ATP6V0D1: variants seen among roughly 807,000 people sequenced by gnomAD.
The protein encoded by ATP6V0D1 is ATPase H+ transporting V0 subunit d1.
A neutral mutation model predicts 39.0 loss-of-function variants in ATP6V0D1; 13 were observed. The observed-to-expected ratio is 0.33, with a 90% CI of 0.22 to 0.53. The LOEUF is 0.53. ATP6V0D1 is among the 20% of genes least tolerant of loss of function. ATP6V0D1 has a pLI of 0.94. For synonymous variants in ATP6V0D1, 191 were observed against 191.2 expected (o/e 1.00, Z 0.01); for missense variants, 272 against 470.9 (o/e 0.58, Z 3.91).
chr16:67,477,002 C>T lies in ATP6V0D1; in HGVS notation c.130+3955G>A, dbSNP rs2041419776. On this transcript the variant is annotated intron_variant, in intron 1 of 7. Transcript: ENST00000290949. ...GAGCCGAGATGTCCAGCCTGGGTGA[C>T]AGAGTGAGACTCTGTCTCAAATTAA... is the stretch of plus-strand genomic sequence containing the variant. Among the ~76,000 whole-genome samples the T allele has an allele frequency of 2.5e-5, 3 of 119,738 alleles. No homozygotes were observed. The South Asian group carries it at 7.9e-4, about 31-fold the overall frequency. 78.6% of individuals were successfully genotyped at this position (119,738 alleles called of 152,430 possible). A position where few individuals can be genotyped will look rare whatever the true frequency, so the allele number is the denominator to read the frequency against.
chr16:67,446,419 C>G (rs760216379), intron 2 of ATP6V0D1, among the ~76,000 whole-genome samples: 1 of 152,208 alleles, frequency 6.6e-6, no homozygotes, highest in Non-Finnish European at 1.5e-5. Context: ...AGGATGTGCA[C>G]TGAGAAGAGA....
chr16:67,441,475 G>C (rs1299024593), intron 4 of ATP6V0D1: 1 of 152,292 alleles, frequency 6.6e-6, no homozygotes, highest in Non-Finnish European at 1.5e-5. Context: ...GAGGGCATGG[G>C]TGAGGCTGGC....
At chr16:67,469,524 G>C (rs2142330260) in intron 1 of ATP6V0D1, among the ~76,000 whole-genome samples, 1 of 152,238 alleles carries the variant, frequency 6.6e-6, no homozygotes, top group South Asian at 2.1e-4. Flanking sequence ...GTCCAGCTCT[G>C]GCCTGGGCCC....
chr16:67,466,330 C>T (rs1306298506), intron 1 of ATP6V0D1, among the ~76,000 whole-genome samples: 18 of 27,838 alleles, frequency 6.5e-4, no homozygotes, highest in Non-Finnish European at 1.1e-3. Context: ...AACACATACA[C>T]ACACACACAC....
At chr16:67,471,917 C>T (rs529077144) in intron 1 of ATP6V0D1, among the ~76,000 whole-genome samples, 1 of 152,168 alleles carries the variant, frequency 6.6e-6, no homozygotes, top group South Asian at 2.1e-4. Flanking sequence ...GCTGAGATTA[C>T]AGGCGTTAGC....
rs1355443673 is a variant in ATP6V0D1, at chr16:67,453,597, G to A, written c.249C>T (p.Arg83=). Residue 83 remains arginine, a synonymous_variant, in exon 2 of 8, where the codon CGC becomes CGT. Transcript: ENST00000290949. This position sits in a 1 kb window ranked among gnomAD's most constrained non-coding sequence, Gnocchi z 4.1. The part of the protein sequence containing the change: ...RLKEKMVVEF[R]HMRNHAYEPL... ...GCTCATAGGCATGGTTCCTCATGTG[G>A]CGGAACTCCACCACCATCTTCTCCT... is the stretch of plus-strand genomic sequence containing the variant. 6.2e-7 allele frequency: 1 copy of A among 1,614,104 alleles called. No homozygotes were observed. The highest frequency in any genetic ancestry group is 1.3e-5 in the African/African-American group (1 of 74,930).
rs140037619 is a variant in ATP6V0D1 at position 67,441,228 on chromosome 16, C to T, written c.561+1871G>A. 5.2e-5 allele frequency: 8 copies of T among 152,468 alleles called. No individual in the cohort carries two copies. In the East Asian group the frequency reaches 1.5e-3, roughly 29 times the overall value. The allele number at this position is 152,468 out of a possible 1,614,324, so 9.4% of individuals were successfully genotyped here. A position where few individuals can be genotyped will look rare whatever the true frequency, so the allele number is the denominator to read the frequency against. On this transcript the variant is annotated intron_variant, in intron 4 of 7. Transcript: ENST00000290949. Reference sequence around the variant, plus strand: ...CCCCGGTACCAAAGTCACCTTCCCACCCCCGCCCTGTCCCCTGGAGTCTGC... The same window carrying T: ...CCCCGGTACCAAAGTCACCTTCCCATCCCCGCCCTGTCCCCTGGAGTCTGC...
At chr16:67,469,972 C>T (rs1408498182) in intron 1 of ATP6V0D1, among the ~76,000 whole-genome samples, 1 of 152,182 alleles carries the variant, frequency 6.6e-6, no homozygotes, top group African/African-American at 2.4e-5. Flanking sequence ...TTACATGTAA[C>T]GCTTTGCAAC....
At chr16:67,475,715 C>G (rs2041409019) in intron 1 of ATP6V0D1, among the ~76,000 whole-genome samples, 1 of 152,186 alleles carries the variant, frequency 6.6e-6, no homozygotes, top group Non-Finnish European at 1.5e-5. Flanking sequence ...ATCCAGCAAG[C>G]TGTTTGCTTC....
intron 1 of ATP6V0D1, among the ~76,000 whole-genome samples, chr16:67,475,788 TG>T (rs1197880557): frequency 6.6e-6 from 1 of 152,210 alleles, no homozygotes; most frequent in Non-Finnish European, 1.5e-5. Context: ...AAACCAAGAC[TG>T]ATGTCCAATA....
At chr16:67,449,173 T>C (rs868308862) in intron 2 of ATP6V0D1, among the ~76,000 whole-genome samples, 1 of 152,190 alleles carries the variant, frequency 6.6e-6, no homozygotes, top group Non-Finnish European at 1.5e-5. Flanking sequence ...AAGAGAAATA[T>C]GGGCCCTCAG....
rs184853863 is a variant in ATP6V0D1 at position 67,469,222 on chromosome 16, C to A, written c.130+11735G>T. On this transcript the variant is annotated intron_variant, in intron 1 of 7. Coordinates refer to ENST00000290949, the MANE Select transcript of ATP6V0D1 (RefSeq NM_004691.5). ...ACTCAGAAAGCTGAGGCAGGAGGAT[C>A]GTTTCAACCTGGGAGGCGGAGGTTG... Among the ~76,000 whole-genome samples the A allele has an allele frequency of 2.6e-5, 4 of 152,288 alleles. No individual in the cohort carries two copies. In the South Asian group the frequency reaches 6.2e-4, roughly 24 times the overall value.
intron 1 of ATP6V0D1, among the ~76,000 whole-genome samples, chr16:67,471,514 T>C (rs1301260059): frequency 1.3e-5 from 2 of 152,042 alleles, no homozygotes; most frequent in African/African-American, 4.8e-5. Context: ...GTTGAGAACA[T>C]TCAAAATCCT....
chr16:67,449,575 C>T (rs917281616), intron 2 of ATP6V0D1, among the ~76,000 whole-genome samples: 9 of 152,246 alleles, frequency 5.9e-5, no homozygotes, highest in Admixed American at 1.3e-4. Flanking sequence ...CTCAGGCTGT[C>T]GGCCCCATGC....
chr16:67,468,466 T>C (rs886986689), intron 1 of ATP6V0D1, among the ~76,000 whole-genome samples: 12 of 151,850 alleles, frequency 7.9e-5, no homozygotes, highest in Non-Finnish European at 1.8e-4. Flanking sequence ...TGCATGCCTG[T>C]AGCCCTACAT....
At chr16:67,470,000 A>G (rs1449200125) in intron 1 of ATP6V0D1, among the ~76,000 whole-genome samples, 2 of 152,146 alleles carry the variant, frequency 1.3e-5, no homozygotes, top group Non-Finnish European at 2.9e-5. Flanking sequence ...CTAACAACAT[A>G]TTTCTAAATC....
chr16:67,480,214 A>AG (rs2041456570), intron 1 of ATP6V0D1, among the ~76,000 whole-genome samples: 1 of 107,616 alleles, frequency 9.3e-6, no homozygotes, highest in East Asian at 2.0e-4. Context: ...AAAAAAAAAA[A>AG]AAAAAAAGAA....
chr16:67,450,580 A>G (rs2041167906), intron 2 of ATP6V0D1, among the ~76,000 whole-genome samples: 1 of 151,930 alleles, frequency 6.6e-6, no homozygotes, highest in African/African-American at 2.4e-5. Flanking sequence ...ACGCCTGGAG[A>G]CCTTGGCTAC....
rs752703060 is a variant in ATP6V0D1 at position 67,438,477 on chromosome 16, A to G, written c.*51T>C. ...CACACACACGCACACACACGCGCAC[A>G]CACACACACACACACACAAAGAGTG... On this transcript the variant is annotated 3_prime_UTR_variant, in exon 8 of 8. Transcript: ENST00000290949. 1.0e-4 allele frequency: 148 copies of G among 1,478,598 alleles called. No homozygotes were observed. In the African/African-American group the frequency reaches 1.9e-3, roughly 19 times the overall value. The allele number at this position is 1,478,598 out of a possible 1,614,324, so 91.6% of individuals were successfully genotyped here. A position where few individuals can be genotyped will look rare whatever the true frequency, so the allele number is the denominator to read the frequency against.
Sources: gnomAD v4.1 joint callset for allele counts (sites outside exome capture counted in the v4.1 genomes callset) on GRCh38, gnomAD v4.1.1 for gene constraint, Gnocchi (gnomAD v3.1) non-coding constraint, MANE v1.5 for transcripts, NCBI Gene and HGNC (gene_info 2026-07-23, HGNC 2026-07-21) for gene names.